AFG2B: variants seen among roughly 807,000 people sequenced by gnomAD.
AFG2B encodes the protein AAA ATPase AFG2B, also known as ATPase family gene 2 protein homolog B.
At chr15:45,405,324 T>C in the AFG2B span, 1 of 1,613,984 alleles carries the variant, frequency 6.2e-7, no homozygotes, top group Non-Finnish European at 8.5e-7. Flanking sequence ...ATATAGGTGG[T>C]CATTGGGACT....
At chr15:45,411,199 G>C in the AFG2B span, among the ~76,000 whole-genome samples, 1 of 152,012 alleles carries the variant, frequency 6.6e-6, no homozygotes, top group South Asian at 2.1e-4. Context: ...AACCGTGTCC[G>C]GGGGGAAAAA....
At chr15:45,415,510 A>C in the AFG2B span, 2 of 1,331,342 alleles carry the variant, frequency 1.5e-6, no homozygotes, top group Non-Finnish European at 2.0e-6. Flanking sequence ...AAAAAAAAAA[A>C]AACAGGATTA....
chr15:45,407,144 T>G, the AFG2B span: 2 of 1,285,982 alleles, frequency 1.6e-6, no homozygotes, highest in Non-Finnish European at 2.0e-6. Flanking sequence ...TTACCACAGG[T>G]GATGGCTGAG....
the AFG2B span, among the ~76,000 whole-genome samples, chr15:45,415,312 C>G: frequency 6.6e-6 from 1 of 151,996 alleles, no homozygotes; most frequent in African/African-American, 2.4e-5. Flanking sequence ...GCCTGGCCAA[C>G]GTGGCAAAAC....
the AFG2B span, among the ~76,000 whole-genome samples, chr15:45,408,277 C>T: frequency 1.3e-5 from 2 of 152,192 alleles, no homozygotes; most frequent in East Asian, 1.9e-4. Context: ...TCCACTAAAC[C>T]CTTTATCCAA....
chr15:45,403,420 G>A, the AFG2B span: 3 of 1,609,438 alleles, frequency 1.9e-6, no homozygotes, highest in Non-Finnish European at 2.5e-6. Flanking sequence ...GCTGCTGGAC[G>A]GCGCCAGTGG....
At chr15:45,402,342 C>T in the AFG2B span, 3 of 1,530,156 alleles carry the variant, frequency 2.0e-6, no homozygotes, top group Non-Finnish European at 2.6e-6. Flanking sequence ...GCGCAATCTG[C>T]TTCCGGCCTG....
the AFG2B span, chr15:45,402,971 G>A: frequency 5.5e-5 from 88 of 1,594,994 alleles, no homozygotes; most frequent in East Asian, 1.5e-3. Flanking sequence ...GTCACCCCTC[G>A]TACCCGCGTC....
the AFG2B span, chr15:45,403,114 C>T: frequency 2.6e-6 from 4 of 1,510,118 alleles, no homozygotes; most frequent in South Asian, 1.2e-5. Context: ...CCTGACCGCG[C>T]TGGGCTTAGC....
the AFG2B span, chr15:45,417,220 CTTA>C: frequency 2.5e-6 from 4 of 1,576,266 alleles, no homozygotes; most frequent in Non-Finnish European, 3.4e-6. Flanking sequence ...TTTTAGAAAA[CTTA>C]TTAACAACTG....
At chr15:45,405,221 C>G in the AFG2B span, 1 of 1,204,566 alleles carries the variant, frequency 8.3e-7, no homozygotes. Flanking sequence ...TGGTTGCTAT[C>G]ATTCTGCTGT....
the AFG2B span, chr15:45,405,604 A>G: frequency 1.8e-6 from 2 of 1,106,020 alleles, no homozygotes; most frequent in East Asian, 5.0e-5. Context: ...TCCTTAGAAC[A>G]TTTGATAGCT....
the AFG2B span, among the ~76,000 whole-genome samples, chr15:45,406,750 T>C: frequency 6.6e-6 from 1 of 152,226 alleles, no homozygotes; most frequent in African/African-American, 2.4e-5. Flanking sequence ...AAAAGAATGA[T>C]TTATTATCCT....
the AFG2B span, among the ~76,000 whole-genome samples, chr15:45,407,477 C>T: frequency 8.5e-5 from 13 of 152,152 alleles, no homozygotes; most frequent in Admixed American, 5.9e-4. Flanking sequence ...AATATTAGTT[C>T]GTGTTACCTA....
chr15:45,413,440 C>T, the AFG2B span, among the ~76,000 whole-genome samples: 3 of 152,314 alleles, frequency 2.0e-5, no homozygotes, highest in East Asian at 3.9e-4. Context: ...GGATTCCCTA[C>T]CTCAGTTAAT....
chr15:45,418,197 A>T, the AFG2B span, among the ~76,000 whole-genome samples: 44 of 152,160 alleles, frequency 2.9e-4, 1 homozygote, highest in Non-Finnish European at 3.8e-4. Flanking sequence ...TACAAAAATT[A>T]GCTGGATGTG....
At chr15:45,408,671 C>T in the AFG2B span, among the ~76,000 whole-genome samples, 1 of 152,170 alleles carries the variant, frequency 6.6e-6, no homozygotes, top group East Asian at 1.9e-4. Flanking sequence ...GCTATTTTTC[C>T]CTTTGCCACT....
chr15:45,410,745 G>A, the AFG2B span, among the ~76,000 whole-genome samples: 2 of 152,186 alleles, frequency 1.3e-5, no homozygotes, highest in Admixed American at 6.5e-5. Flanking sequence ...CCCTCTCTTT[G>A]TTTTTGCTTT....
the AFG2B span, chr15:45,403,392 A>G: frequency 6.2e-7 from 1 of 1,610,668 alleles, no homozygotes; most frequent in Non-Finnish European, 8.5e-7. Context: ...AGAGCCGCGT[A>G]GTGGCCCAGG....
Sources: gnomAD v4.1 joint callset for allele counts (sites outside exome capture counted in the v4.1 genomes callset) on GRCh38, gnomAD v4.1.1 for gene constraint, MANE v1.5 for transcripts, NCBI Gene and HGNC (gene_info 2026-07-23, HGNC 2026-07-21) for gene names.